The following SDK1 variants were observed in gnomAD, a reference collection of about 807,000 sequenced individuals.
SDK1 encodes protein sidekick-1.
Under a neutral mutation model 245.5 loss-of-function variants are expected in SDK1, and 157 were observed. The observed-to-expected ratio is 0.64, with a 90% confidence interval of 0.56 to 0.73. SDK1 has a LOEUF of 0.73. Ranked by LOEUF, SDK1 falls within the 30% of genes least tolerant of loss-of-function variation. The pLI, the probability that SDK1 is intolerant of heterozygous loss-of-function variation, is 0.00. For missense variants in SDK1, 3,583 were observed against 3,002.3 expected (o/e 1.19, Z -4.52); for synonymous variants, 1,647 against 1,278.5 (o/e 1.29, Z -6.15).
At chr7:3,836,244 A>C (rs1188434702) in intron 5 of SDK1, among the ~76,000 whole-genome samples, 1 of 152,210 alleles carries the variant, frequency 6.6e-6, no homozygotes, top group African/African-American at 2.4e-5. Context: ...ATGAGCTATA[A>C]ATATTAGTTC....
intron 44 of SDK1, among the ~76,000 whole-genome samples, chr7:4,260,799 G>A (rs560104713): frequency 4.7e-5 from 7 of 149,038 alleles, no homozygotes; most frequent in African/African-American, 1.5e-4. Context: ...TGTGTTCATC[G>A]TCACCTGATG....
At chr7:3,518,843 C>G (rs779090747) in intron 1 of SDK1, among the ~76,000 whole-genome samples, 2 of 152,112 alleles carry the variant, frequency 1.3e-5, no homozygotes, top group Non-Finnish European at 2.9e-5. Flanking sequence ...GATACCTGCA[C>G]TTCTGTGTTT....
chr7:3,973,121 C>T (rs889715451), intron 12 of SDK1, among the ~76,000 whole-genome samples: 4 of 152,120 alleles, frequency 2.6e-5, no homozygotes, highest in South Asian at 2.1e-4. Flanking sequence ...CTGGGTTACT[C>T]GCTCTCGGGG....
chr7:3,767,870 A>G (rs1244671547), intron 4 of SDK1, among the ~76,000 whole-genome samples: 1 of 152,250 alleles, frequency 6.6e-6, no homozygotes, highest in Non-Finnish European at 1.5e-5. Flanking sequence ...TGATTATCAT[A>G]AAATGACTGT....
At chr7:3,666,447 C>A (rs551973219) in intron 4 of SDK1, among the ~76,000 whole-genome samples, 3 of 152,308 alleles carry the variant, frequency 2.0e-5, no homozygotes, top group Admixed American at 2.0e-4. Flanking sequence ...TCATCACTTT[C>A]TCTGAGACCA....
chr7:3,754,699 G>A (rs1163410157), intron 4 of SDK1, among the ~76,000 whole-genome samples: 1 of 152,066 alleles, frequency 6.6e-6, no homozygotes, highest in Non-Finnish European at 1.5e-5. Context: ...GGGGGGCGGA[G>A]TACTCCCTTG....
At chr7:4,130,143 T>A (rs1402193200) in intron 27 of SDK1, 46 bp downstream of exon 27, 39 of 1,512,880 alleles carry the variant, frequency 2.6e-5, no homozygotes, top group Non-Finnish European at 3.4e-5. Context: ...GCCTCCCAGG[T>A]TGGCCTTTCC....
intron 25 of SDK1, among the ~76,000 whole-genome samples, chr7:4,114,997 C>G (rs1242664438): frequency 6.6e-6 from 1 of 152,310 alleles, no homozygotes; most frequent in South Asian, 2.1e-4. Context: ...CTCTGCTGCC[C>G]TGTGCTAATG....
At position 4,144,954 on chromosome 7, in the gene SDK1, G is replaced by C. The variant is rs575357171; in HGVS notation, c.4229-768G>C. 2.0e-5 allele frequency among the ~76,000 whole-genome samples: 3 copies of C among 152,324 alleles called. No homozygotes were observed. In the East Asian group the frequency reaches 5.8e-4, roughly 29 times the overall value. ...TTGTCTGTGAGCCAGGCAGGGTGCG[G>C]ACTGGAGCTGCAGAGTTAACAAGGT... On this transcript the variant is annotated intron_variant, in intron 28 of 44. Coordinates refer to ENST00000404826, the MANE Select transcript of SDK1 (RefSeq NM_152744.4).
At chr7:3,996,139 C>A in intron 14 of SDK1, among the ~76,000 whole-genome samples, 1 of 152,098 alleles carries the variant, frequency 6.6e-6, no homozygotes, top group East Asian at 1.9e-4. Context: ...TCCATTTTCC[C>A]AACATGATTT....
At chr7:3,549,613 C>T (rs371971007) in intron 1 of SDK1, among the ~76,000 whole-genome samples, 2 of 152,304 alleles carry the variant, frequency 1.3e-5, no homozygotes, top group African/African-American at 2.4e-5. Flanking sequence ...GTTACCTGGT[C>T]TCAGGGCAGA....
chr7:3,760,090 A>G (rs1049279776), intron 4 of SDK1, among the ~76,000 whole-genome samples: 1 of 151,258 alleles, frequency 6.6e-6, no homozygotes, highest in African/African-American at 2.4e-5. Context: ...CTGTTTACGC[A>G]TTGTGCATGT....
intron 4 of SDK1, among the ~76,000 whole-genome samples, chr7:3,714,134 C>A (rs10261179): frequency 0.085 from 12,870 of 152,130 alleles, 628 homozygotes; most frequent in Middle Eastern, 0.14. Flanking sequence ...AACAACAACA[C>A]GTTGACGCCA....
chr7:4,078,601 A>G (rs1780849960), intron 21 of SDK1, among the ~76,000 whole-genome samples: 1 of 152,158 alleles, frequency 6.6e-6, no homozygotes. Context: ...AAGCTGCCCT[A>G]GCCTTGCATT....
rs1788414896 is a variant in SDK1, at chr7:4,265,513, A to AT, written c.*133dup. 7.3e-7 allele frequency: 1 copy of AT among 1,369,456 alleles called. No individual in the cohort carries two copies. Among genetic ancestry groups the AT allele is most frequent in the Non-Finnish European group, 9.3e-7 (1 of 1,070,170 alleles). The allele number at this position is 1,369,456 out of a possible 1,614,324, so 84.8% of individuals were successfully genotyped here. On this transcript the variant is annotated 3_prime_UTR_variant, in exon 45 of 45. Coordinates refer to ENST00000404826, the MANE Select transcript of SDK1 (RefSeq NM_152744.4). The stretch of plus-strand genomic sequence containing the variant: ...AAAGAAAAAAATCTGATAAGTGATG[A>AT]TTTTACCTACTTGTGGACACTAGAT...
chr7:3,954,200 C>A (rs970721122), intron 7 of SDK1, among the ~76,000 whole-genome samples: 2 of 151,334 alleles, frequency 1.3e-5, no homozygotes, highest in African/African-American at 4.9e-5. Flanking sequence ...CCGCCACTGG[C>A]TGCCCAGTCC....
At chr7:3,312,385 G>C (rs979725725) in intron 1 of SDK1, among the ~76,000 whole-genome samples, 4 of 152,128 alleles carry the variant, frequency 2.6e-5, no homozygotes, top group African/African-American at 9.7e-5. Flanking sequence ...GTGAAGGAGA[G>C]TTAGCAGATG....
intron 44 of SDK1, among the ~76,000 whole-genome samples, chr7:4,257,045 C>T (rs530897842): frequency 1.3e-5 from 2 of 152,302 alleles, no homozygotes; most frequent in South Asian, 2.1e-4. Flanking sequence ...GGGTTTGTCA[C>T]GGTTTTATCA....
In SDK1 at chr7:4,086,722, A is replaced by G. The variant is rs1361085970; in HGVS notation, c.3324+7138A>G. On this transcript the variant is annotated intron_variant, in intron 22 of 44. Coordinates refer to ENST00000404826, the MANE Select transcript of SDK1 (RefSeq NM_152744.4). The stretch of plus-strand genomic sequence containing the variant: ...TTCACCTGGATAACCTCCCTGATGT[A>G]AGGTTCTTACCCTTAATCACATCTG... Among the ~76,000 whole-genome samples, 4 of 152,074 alleles carry G rather than the reference A, an allele frequency of 2.6e-5. No homozygotes were observed. In the East Asian group the frequency reaches 7.7e-4, roughly 29 times the overall value.
Sources: gnomAD v4.1 joint callset for allele counts (sites outside exome capture counted in the v4.1 genomes callset) on GRCh38, gnomAD v4.1.1 for gene constraint, MANE v1.5 for transcripts, NCBI Gene and HGNC (gene_info 2026-07-23, HGNC 2026-07-21) for gene names.